LARP1: variants seen among roughly 807,000 people sequenced by gnomAD.
LARP1 encodes La ribonucleoprotein 1, translational regulator, also known as la-related protein 1.
In LARP1, 36 loss-of-function variants were observed where a neutral mutation model predicts 122.7. The observed-to-expected ratio is 0.29, with a 90% CI of 0.22 to 0.39. The LOEUF (loss-of-function observed/expected upper bound fraction) is 0.39. Ranked by LOEUF, LARP1 falls within the 10% of genes least tolerant of loss-of-function variation. The pLI is 1.00. For synonymous variants in LARP1, 539 were observed against 528.7 expected (o/e 1.02, Z -0.27); for missense variants, 1,040 against 1,403.6 (o/e 0.74, Z 4.14).
chr5:154,808,546 A>G lies in LARP1; in HGVS notation c.2786A>G (p.Lys929Arg), dbSNP rs772858931. 1.2e-5 allele frequency: 20 copies of G among 1,613,860 alleles called. No homozygotes were observed. In the East Asian group the frequency reaches 3.6e-4, roughly 29 times the overall value. The part of the protein sequence containing the change: ...WSFFLRDHFN[K>R]KMYEEFKQLA... ...TTCTTCCTCCGAGATCACTTCAACA[A>G]AAAGATGTATGAGGAGTTCAAGCAG... Residue 929 changes from lysine to arginine, a missense_variant, in exon 16 of 19, where the codon AAA becomes AGA. This residue lies in a region of LARP1 where 59 missense variants were observed against 137.2 expected (regional missense o/e 0.43). Coordinates refer to ENST00000518297, the MANE Select transcript of LARP1 (RefSeq NM_033551.3).
intron 1 of LARP1, among the ~76,000 whole-genome samples, chr5:154,777,223 G>A (rs78817991): frequency 0.081 from 12,329 of 152,142 alleles, 564 homozygotes; most frequent in Admixed American, 0.15. Flanking sequence ...ATTGTAGGTC[G>A]GCCGCGGTGG....
intron 1 of LARP1, among the ~76,000 whole-genome samples, chr5:154,767,957 A>G (rs1169213859): frequency 6.6e-6 from 1 of 152,186 alleles, no homozygotes; most frequent in South Asian, 2.1e-4. Context: ...GCATCCTTCT[A>G]TGAAGAAGGA....
chr5:154,703,916 C>T (rs746501836), intron 1 of LARP1, among the ~76,000 whole-genome samples: 1 of 152,142 alleles, frequency 6.6e-6, no homozygotes, highest in Non-Finnish European at 1.5e-5. Context: ...CCACCGCGCC[C>T]AGCCAAAATT....
At chr5:154,716,528 A>T (rs1755518499) in intron 1 of LARP1, among the ~76,000 whole-genome samples, 1 of 152,160 alleles carries the variant, frequency 6.6e-6, no homozygotes, top group South Asian at 2.1e-4. Context: ...GGCTCACTGC[A>T]ACCTCCACAT....
chr5:154,800,162 A>G, intron 10 of LARP1, 120 bp downstream of exon 10: 1 of 890,334 alleles, frequency 1.1e-6, no homozygotes, highest in Non-Finnish European at 1.7e-6. Flanking sequence ...TGGGTAGTTC[A>G]GGATCATAGT....
chr5:154,713,166 G>T, intron 1 of LARP1: 6 of 1,564,492 alleles, frequency 3.8e-6, no homozygotes, highest in South Asian at 1.1e-5. Flanking sequence ...TGAACCTCAG[G>T]ACAGCAGGGT....
Position 154,755,536 on chromosome 5 carries a change from G to A in LARP1, c.-222G>A, listed in dbSNP as rs1272522435. On this transcript the variant is annotated 5_prime_UTR_variant, in exon 1 of 19. Transcript: ENST00000518297. ...GCCTAGGAGGCCTGGACTGCAGAGTGGGGGGCCTTCCTCCCCCCCCGCCCC... is the reference window on the plus strand; with the variant it reads ...GCCTAGGAGGCCTGGACTGCAGAGTAGGGGGCCTTCCTCCCCCCCCGCCCC... The A allele has an allele frequency of 2.0e-6, 2 of 986,632 alleles. No homozygotes were observed. The highest frequency in any genetic ancestry group is 2.4e-6 in the Non-Finnish European group (2 of 829,460). 61.1% of individuals were successfully genotyped at this position (986,632 alleles called of 1,614,324 possible).
upstream of LARP1, among the ~76,000 whole-genome samples, chr5:154,711,056 C>T (rs1755192769): frequency 6.6e-6 from 1 of 151,688 alleles, no homozygotes; most frequent in South Asian, 2.1e-4. Flanking sequence ...CCCCATGTGA[C>T]AGTGTGGCCG....
intron 1 of LARP1, chr5:154,786,451 A>C (rs894576835): frequency 2.2e-6 from 1 of 456,060 alleles, no homozygotes; most frequent in Non-Finnish European, 4.4e-6. Context: ...CCTCTGGGAC[A>C]GAAGGTGGTT....
At position 154,794,385 on chromosome 5, in the gene LARP1, T is replaced by G; in HGVS notation, c.1232+123T>G. 3.4e-6 allele frequency: 3 copies of G among 883,556 alleles called. 1 individual carries two copies. The South Asian group carries it at 5.7e-5, about 17-fold the overall frequency. The allele number at this position is 883,556 out of a possible 1,614,324, so 54.7% of individuals were successfully genotyped here. A position where few individuals can be genotyped will look rare whatever the true frequency, so the allele number is the denominator to read the frequency against. ...CAGTTTCAGCCTCAGGCTGAAAAGA[T>G]AGCTTTTCTCATTGTTTATTAAAGA... On this transcript the variant is annotated intron_variant, in intron 7 of 18. Coordinates refer to ENST00000518297, the MANE Select transcript of LARP1 (RefSeq NM_033551.3).
chr5:154,796,987 A>G (rs536561250), intron 8 of LARP1, among the ~76,000 whole-genome samples: 1 of 152,082 alleles, frequency 6.6e-6, no homozygotes, highest in South Asian at 2.1e-4. Flanking sequence ...AATGGATTGG[A>G]TCAAATTGTC....
intron 1 of LARP1, among the ~76,000 whole-genome samples, chr5:154,778,429 T>C (rs1174547187): frequency 1.3e-5 from 2 of 152,158 alleles, no homozygotes; most frequent in Non-Finnish European, 2.9e-5. Flanking sequence ...GATTCCTGAC[T>C]CCACCATTGC....
At chr5:154,728,075 A>G (rs563404981) in intron 1 of LARP1, among the ~76,000 whole-genome samples, 48 of 152,338 alleles carry the variant, frequency 3.2e-4, no homozygotes, top group African/African-American at 1.1e-3. Context: ...CTCAAAAGAA[A>G]GAAGAGAAAA....
In LARP1 at chr5:154,756,105, C is replaced by T. The variant is rs760703223; in HGVS notation, c.348C>T (p.Phe116=). 1.5e-5 allele frequency: 18 copies of T among 1,210,842 alleles called. 2 individuals are homozygous for T. The Middle Eastern group carries it at 8.0e-4, about 54-fold the overall frequency. The allele number at this position is 1,210,842 out of a possible 1,614,324, so 75.0% of individuals were successfully genotyped here. ...CCGCGGGCGCGGGGCGCCGGGACTT[C>T]GTGGAAGCCCCCCCGCCCAAGGTGA... ...AGAAGAGRRD[F]VEAPPPKVNP... Residue 116 remains phenylalanine (F), a synonymous_variant, in exon 1 of 19, where the codon TTC becomes TTT. Coordinates refer to ENST00000518297, the MANE Select transcript of LARP1 (RefSeq NM_033551.3).
intron 1 of LARP1, among the ~76,000 whole-genome samples, chr5:154,764,595 C>CA (rs1158921641): frequency 0.49 from 21,956 of 44,718 alleles, 6,205 homozygotes; most frequent in Non-Finnish European, 0.57. Flanking sequence ...GACCATGTCT[C>CA]AAAAAAAAAA....
chr5:154,752,002 G>A (rs1753527161), upstream of LARP1, among the ~76,000 whole-genome samples: 1 of 152,064 alleles, frequency 6.6e-6, no homozygotes, highest in African/African-American at 2.4e-5. Context: ...TAGAGACAGG[G>A]TCTCACTGTG....
intron 4 of LARP1, 101 bp from the exon 5 acceptor site, chr5:154,793,494 A>G: frequency 1.4e-6 from 2 of 1,458,938 alleles, no homozygotes; most frequent in South Asian, 2.4e-5. Context: ...CCAGATTGTG[A>G]TTTGGGCCCA....
intron 1 of LARP1, among the ~76,000 whole-genome samples, chr5:154,759,812 T>A (rs1458789987): frequency 6.6e-6 from 1 of 152,256 alleles, no homozygotes; most frequent in Non-Finnish European, 1.5e-5. Context: ...TTCAATAAAT[T>A]AATTACATGA....
rs1177116063 is a variant in LARP1 at position 154,802,297 on chromosome 5, C to T, written c.2007C>T (p.Ala669=). ...GDRTGNHTSR[A]KMSAELAKVI... ...GCACAGGCAACCACACCTCGCGTGCCAAGATGAGCGCCGAACTGGCCAAGG... is the reference window on the plus strand; with the variant it reads ...GCACAGGCAACCACACCTCGCGTGCTAAGATGAGCGCCGAACTGGCCAAGG... The change falls in exon 11 of 19, where the codon GCC becomes GCT. Residue 669 remains alanine (A), a synonymous_variant. Coordinates refer to ENST00000518297, the MANE Select transcript of LARP1 (RefSeq NM_033551.3). The surrounding 1 kb of genome is among the most constrained non-coding windows in gnomAD (Gnocchi z 5.1). 1.2e-5 allele frequency: 20 copies of T among 1,614,070 alleles called. No individual in the cohort carries two copies. The highest frequency in any genetic ancestry group is 2.2e-5 in the East Asian group (1 of 44,896).
Sources: allele counts gnomAD v4.1 joint callset (sites outside exome capture counted in the v4.1 genomes callset), GRCh38; gene constraint gnomAD v4.1.1; regional missense constraint gnomAD v4.1.1; non-coding constraint Gnocchi (gnomAD v3.1); transcripts MANE v1.5; gene names NCBI Gene and HGNC (gene_info 2026-07-23, HGNC 2026-07-21).